Variants in MAGI3 observed in about 807,000 individuals in gnomAD.
The protein encoded by MAGI3 is membrane associated guanylate kinase, WW and PDZ domain containing 3, also known as membrane-associated guanylate kinase, WW and PDZ domain-containing protein 3.
In MAGI3, 43 loss-of-function variants were observed where a neutral mutation model predicts 121.8. The observed-to-expected ratio is 0.35, with a 90% CI of 0.28 to 0.46. MAGI3 has a LOEUF of 0.46. Ranked by LOEUF, MAGI3 falls within the 20% of genes least tolerant of loss-of-function variation. The pLI is 1.00. For synonymous variants in MAGI3, 553 were observed against 639.3 expected (o/e 0.86, Z 2.04); for missense variants, 1,547 against 1,797.3 (o/e 0.86, Z 2.52).
At chr1:113,562,394 C>A (rs1408786700) in intron 2 of MAGI3, among the ~76,000 whole-genome samples, 1 of 151,850 alleles carries the variant, frequency 6.6e-6, no homozygotes, top group African/African-American at 2.4e-5. Flanking sequence ...CCGCGAGACT[C>A]CATCTCAAAA....
chr1:113,521,829 T>C (rs1285041043), intron 1 of MAGI3, among the ~76,000 whole-genome samples: 3 of 152,244 alleles, frequency 2.0e-5, no homozygotes, highest in Non-Finnish European at 1.5e-5. Context: ...ATCTGCCTTT[T>C]TATTCCTGCC....
intron 1 of MAGI3, chr1:113,449,837 A>G (rs1169713139): frequency 4.3e-6 from 6 of 1,386,292 alleles, no homozygotes; most frequent in Non-Finnish European, 6.1e-6. Context: ...TGGTAATGAG[A>G]GACCCCCAAA....
At chr1:113,660,867 G>A (rs1351625766) in intron 16 of MAGI3, among the ~76,000 whole-genome samples, 2 of 149,232 alleles carry the variant, frequency 1.3e-5, no homozygotes, top group Non-Finnish European at 3.0e-5. Context: ...GCCTCCCACA[G>A]TGCTAGTATT....
intron 1 of MAGI3, among the ~76,000 whole-genome samples, chr1:113,507,412 A>G (rs1049419769): frequency 6.6e-6 from 1 of 152,178 alleles, no homozygotes; most frequent in African/African-American, 2.4e-5. Context: ...TTTACATGGT[A>G]TTGAAAAACG....
chr1:113,482,647 T>G (rs1419431557), intron 1 of MAGI3, among the ~76,000 whole-genome samples: 4 of 4,070 alleles, frequency 9.8e-4, no homozygotes, highest in African/African-American at 2.6e-3. Flanking sequence ...TCAACCTACT[T>G]TTTTTTTTTT....
intron 4 of MAGI3, among the ~76,000 whole-genome samples, chr1:113,586,876 T>C (rs1287108747): frequency 6.6e-6 from 1 of 152,224 alleles, no homozygotes; most frequent in South Asian, 2.1e-4. Context: ...TTGTAATCTC[T>C]ATAGTTGATG....
chr1:113,452,099 G>C (rs1437879207), intron 1 of MAGI3, among the ~76,000 whole-genome samples: 1 of 152,090 alleles, frequency 6.6e-6, no homozygotes, highest in African/African-American at 2.4e-5. Context: ...TTTCTTTCCT[G>C]AGCAGAAGCA....
intron 1 of MAGI3, among the ~76,000 whole-genome samples, chr1:113,471,434 C>T (rs1017724755): frequency 2.0e-5 from 3 of 152,014 alleles, no homozygotes; most frequent in Non-Finnish European, 4.4e-5. Context: ...AATGGAAACA[C>T]AACATACCAA....
rs138054615 is a variant in MAGI3 at position 113,671,224 on chromosome 1, A to G, written c.2816-510A>G. 1.1e-4 allele frequency among the ~76,000 whole-genome samples: 16 copies of G among 152,298 alleles called. No individual in the cohort carries two copies. The East Asian group carries it at 2.3e-3, about 22-fold the overall frequency. On this transcript the variant is annotated intron_variant, in intron 16 of 20. Transcript: ENST00000307546. Reference sequence around the variant, plus strand: ...TATTTGTTAGCACTCAGGATTCTATAAGTTTGTCTTTGGTTCTCAGTGGCA... The same window carrying G: ...TATTTGTTAGCACTCAGGATTCTATGAGTTTGTCTTTGGTTCTCAGTGGCA...
intron 6 of MAGI3, among the ~76,000 whole-genome samples, chr1:113,611,074 T>C (rs189401267): frequency 6.6e-6 from 1 of 151,876 alleles, no homozygotes; most frequent in South Asian, 2.1e-4. Context: ...CCCACAGCCA[T>C]TTTCATAATT....
intron 1 of MAGI3, among the ~76,000 whole-genome samples, chr1:113,431,306 T>G (rs963776938): frequency 6.6e-6 from 1 of 152,146 alleles, no homozygotes; most frequent in Non-Finnish European, 1.5e-5. Flanking sequence ...TAACAGATAC[T>G]TGCCTTCACT....
intron 6 of MAGI3, among the ~76,000 whole-genome samples, chr1:113,596,249 C>A (rs1350506807): frequency 6.6e-6 from 1 of 152,120 alleles, no homozygotes; most frequent in Non-Finnish European, 1.5e-5. Context: ...AATCAATACA[C>A]ATGTATGTAG....
intron 1 of MAGI3, among the ~76,000 whole-genome samples, chr1:113,535,188 T>A (rs1394792551): frequency 2.6e-5 from 4 of 152,146 alleles, no homozygotes; most frequent in African/African-American, 9.7e-5. Context: ...CTTGTTTTTA[T>A]TGTTTGCCTC....
chr1:113,649,944 A>C (rs942484495), intron 13 of MAGI3, among the ~76,000 whole-genome samples: 13 of 152,228 alleles, frequency 8.5e-5, no homozygotes, highest in African/African-American at 3.1e-4. Flanking sequence ...TAGAGAACAA[A>C]TGTAGTGGGT....
At chr1:113,412,819 C>T (rs1014282381) in intron 1 of MAGI3, among the ~76,000 whole-genome samples, 3 of 152,054 alleles carry the variant, frequency 2.0e-5, no homozygotes, top group African/African-American at 7.2e-5. Context: ...TTCTCCCATT[C>T]TGTAGGTTGC....
At chr1:113,550,220 C>G (rs1030266386) in intron 2 of MAGI3, among the ~76,000 whole-genome samples, 2 of 149,572 alleles carry the variant, frequency 1.3e-5, no homozygotes, top group Admixed American at 6.7e-5. Context: ...ACCATCTTAG[C>G]TAACACGGTG....
intron 5 of MAGI3, among the ~76,000 whole-genome samples, chr1:113,593,386 T>A (rs530677742): frequency 7.9e-5 from 12 of 151,868 alleles, no homozygotes; most frequent in Admixed American, 3.3e-4. Flanking sequence ...GCAAAAAAAA[T>A]TTTTTCAGTT....
Position 113,651,206 on chromosome 1 carries a change from G to A in MAGI3, c.2440G>A (p.Glu814Lys), listed in dbSNP as rs1365139148. The A allele has an allele frequency of 1.9e-6, 3 of 1,604,828 alleles. No individual in the cohort carries two copies. The highest frequency in any genetic ancestry group is 2.5e-6 in the Non-Finnish European group (3 of 1,176,708). The change falls in exon 14 of 21, where the codon GAA becomes AAA. Residue 814 changes from glutamate (E) to lysine (K), a missense_variant and splice_region_variant. By Grantham distance (56) the Glu-to-Lys change is moderately conservative. Coordinates refer to ENST00000307546, the MANE Select transcript of MAGI3 (RefSeq NM_001142782.2). ...TGTCAGACGGAAGATCTTCTATGGA[G>A]GTGTGTGAACTTGTTCCTGCTCTGA... ...LTVRRKIFYGEKQPEDDSSQA... is the reference protein window; with the variant it reads ...LTVRRKIFYGKKQPEDDSSQA...
intron 1 of MAGI3, among the ~76,000 whole-genome samples, chr1:113,445,101 A>C (rs1570685753): frequency 1.3e-5 from 2 of 152,328 alleles, no homozygotes; most frequent in Non-Finnish European, 2.9e-5. Flanking sequence ...GAGCTTAAGG[A>C]ATCTGTGTGA....
Sources: allele counts gnomAD v4.1 joint callset (sites outside exome capture counted in the v4.1 genomes callset), GRCh38; gene constraint gnomAD v4.1.1; transcripts MANE v1.5; gene names NCBI Gene and HGNC (gene_info 2026-07-23, HGNC 2026-07-21).